Variants in SVOP observed in about 807,000 individuals in gnomAD.
The protein encoded by SVOP is SV2 related protein.
SVOP carries 17 observed loss-of-function variants against 69.1 expected under a neutral mutation model. The observed-to-expected ratio is 0.25, with a 90% CI of 0.17 to 0.37. SVOP has a LOEUF of 0.37. SVOP is among the 10% of genes least tolerant of loss of function. SVOP has a pLI of 1.00. For synonymous variants in SVOP, 238 were observed against 238.6 expected (o/e 1.00, Z 0.02); for missense variants, 435 against 597.5 (o/e 0.73, Z 2.84).
At chr12:109,018,222 C>T (rs1043077995) in intron 1 of SVOP, among the ~76,000 whole-genome samples, 3 of 152,224 alleles carry the variant, frequency 2.0e-5, no homozygotes, top group Non-Finnish European at 4.4e-5. Flanking sequence ...CAAGGTCACA[C>T]AAAAAGGCAG....
intron 1 of SVOP, among the ~76,000 whole-genome samples, chr12:108,987,466 C>T (rs932964208): frequency 1.8e-4 from 28 of 152,128 alleles, no homozygotes; most frequent in Admixed American, 1.3e-3. Flanking sequence ...ACCCATAAGA[C>T]GAATTACTGG....
At chr12:108,954,793 G>A (rs2039976356) in intron 6 of SVOP, among the ~76,000 whole-genome samples, 1 of 152,206 alleles carries the variant, frequency 6.6e-6, no homozygotes, top group Admixed American at 6.5e-5. Flanking sequence ...ACTTTGGAAG[G>A]CCAAGGTAGG....
chr12:108,940,970 T>C, intron 7 of SVOP, 61 bp from the exon 8 acceptor site: 1 of 1,505,932 alleles, frequency 6.6e-7, no homozygotes, highest in Non-Finnish European at 8.9e-7. Flanking sequence ...AGAGGAATTA[T>C]GGGGGCATTG....
intron 7 of SVOP, among the ~76,000 whole-genome samples, chr12:108,944,223 G>T (rs139124374): frequency 3.3e-5 from 5 of 151,450 alleles, no homozygotes; most frequent in Non-Finnish European, 7.4e-5. Context: ...TGCCACTCAG[G>T]CTGGAGTGCA....
chr12:108,988,404 G>T (rs1020668255), intron 1 of SVOP, among the ~76,000 whole-genome samples: 1 of 152,084 alleles, frequency 6.6e-6, no homozygotes, highest in East Asian at 1.9e-4. Flanking sequence ...TTTTATATAT[G>T]GTGTTAGGTA....
At chr12:108,945,202 T>C in intron 6 of SVOP, 36 bp from the exon 7 acceptor site, 1 of 1,533,868 alleles carries the variant, frequency 6.5e-7, no homozygotes, top group Non-Finnish European at 8.7e-7. Context: ...GGAGTTAAGA[T>C]CAGAACTGGG....
chr12:108,922,784 C>T lies in SVOP; in HGVS notation c.1062G>A (p.Lys354=). 1 of 1,607,324 alleles carries T rather than the reference C, an allele frequency of 6.2e-7. No individual in the cohort carries two copies. The highest frequency in any genetic ancestry group is 8.5e-7 in the Non-Finnish European group (1 of 1,177,156). The stretch of plus-strand genomic sequence containing the variant: ...GGCTGCATTTTGCCTCTACAGCCTT[C>T]TTCCGACTGGAGACTGGGGTTGGGA... The part of the protein sequence containing the change: ...AGDVCGISSR[K]KAVEAKCSLA... The change falls in exon 12 of 16, where the codon AAG becomes AAA. Residue 354 remains lysine, a synonymous_variant. Coordinates refer to ENST00000610966, the MANE Select transcript of SVOP (RefSeq NM_018711.5).
chr12:108,927,073 C>A (rs151310754), intron 11 of SVOP, among the ~76,000 whole-genome samples: 125 of 152,298 alleles, frequency 8.2e-4, no homozygotes, highest in African/African-American at 2.9e-3. Context: ...GTTCCCTAAG[C>A]TCAGGGATCT....
intron 7 of SVOP, among the ~76,000 whole-genome samples, chr12:108,941,449 C>T (rs929606906): frequency 6.6e-6 from 1 of 152,140 alleles, no homozygotes; most frequent in African/African-American, 2.4e-5. Flanking sequence ...CTCCTGGGCT[C>T]CTCGGCCTCC....
At chr12:108,932,952 C>T (rs534538337) in intron 11 of SVOP, among the ~76,000 whole-genome samples, 21 of 152,220 alleles carry the variant, frequency 1.4e-4, no homozygotes, top group South Asian at 4.1e-4. Flanking sequence ...AATCTCTGCT[C>T]ACTGCAACCC....
At chr12:108,931,796 T>C (rs147546768) in intron 11 of SVOP, among the ~76,000 whole-genome samples, 43 of 148,170 alleles carry the variant, frequency 2.9e-4, no homozygotes, top group Non-Finnish European at 5.6e-4. Context: ...ATTGCGCCAC[T>C]GCACTCCAGC....
At chr12:108,950,189 A>G (rs1203226884) in intron 6 of SVOP, among the ~76,000 whole-genome samples, 3 of 151,476 alleles carry the variant, frequency 2.0e-5, no homozygotes, top group Non-Finnish European at 4.4e-5. Context: ...CAGGCTCCCA[A>G]GTAGCTGGGA....
At position 108,912,199 on chromosome 12, in the gene SVOP, A is replaced by C. The variant is rs1396881460; in HGVS notation, c.*336T>G. On this transcript the variant is annotated 3_prime_UTR_variant, in exon 16 of 16. Transcript: ENST00000610966. ...CTACAGAGAGATATTTTGGTTGTTC[A>C]CTGAGGGTTTGGCCGGGTGACTCTG... 8.5e-7 allele frequency: 1 copy of C among 1,176,586 alleles called. No individual in the cohort carries two copies. The highest frequency in any genetic ancestry group is 1.6e-5 in the African/African-American group (1 of 63,834). The allele number at this position is 1,176,586 out of a possible 1,614,324, so 72.9% of individuals were successfully genotyped here. A position where few individuals can be genotyped will look rare whatever the true frequency, so the allele number is the denominator to read the frequency against.
chr12:108,976,978 C>T (rs747003943), intron 4 of SVOP, among the ~76,000 whole-genome samples: 2 of 152,218 alleles, frequency 1.3e-5, no homozygotes, highest in Non-Finnish European at 2.9e-5. Flanking sequence ...GTTCTGCAGC[C>T]TCCTCCTTCA....
intron 1 of SVOP, among the ~76,000 whole-genome samples, chr12:108,987,349 T>C (rs2040171190): frequency 1.3e-5 from 2 of 152,354 alleles, no homozygotes; most frequent in Non-Finnish European, 2.9e-5. Context: ...ATTCATCTGT[T>C]GATGGACAGG....
At chr12:108,997,709 C>A (rs547015563) in intron 1 of SVOP, among the ~76,000 whole-genome samples, 31 of 150,968 alleles carry the variant, frequency 2.1e-4, no homozygotes, top group African/African-American at 7.6e-4. Context: ...ACACTGACAA[C>A]TCACAAGGCA....
At chr12:108,946,723 A>G (rs1385455743) in intron 6 of SVOP, among the ~76,000 whole-genome samples, 1 of 126,260 alleles carries the variant, frequency 7.9e-6, no homozygotes, top group African/African-American at 2.8e-5. Context: ...TATTATTATT[A>G]TTATTATTAT....
At chr12:108,937,126 G>C (rs1207905880) in intron 10 of SVOP, 138 bp downstream of exon 10, 1 of 773,898 alleles carries the variant, frequency 1.3e-6, no homozygotes, top group East Asian at 2.5e-5. Flanking sequence ...CGGAAATCAG[G>C]AGGATGATGT....
rs2040014695 is a variant in SVOP at position 108,960,975 on chromosome 12, T to A, written c.526A>T (p.Ile176Phe). ...CCCACCAGGCCCCGGAGCACCAGGA[T>A]CCAGCTATACACGGGCGCAAATGCA... is the stretch of plus-strand genomic sequence containing the variant. Reference protein sequence around the residue: ...LSAFAPVYSWILVLRGLVGFG... With the variant: ...LSAFAPVYSWFLVLRGLVGFG... The change falls in exon 6 of 16, where the codon ATC becomes TTC. Residue 176 changes from isoleucine to phenylalanine, a missense_variant. Physicochemically the swap from Ile to Phe is conservative, Grantham distance 21 (BLOSUM62 0). Transcript: ENST00000610966. The A allele has an allele frequency of 3.9e-6, 6 of 1,536,974 alleles. No homozygotes were observed. The African/African-American group carries it at 5.5e-5, about 14-fold the overall frequency.
Sources: allele counts gnomAD v4.1 joint callset (sites outside exome capture counted in the v4.1 genomes callset), GRCh38; gene constraint gnomAD v4.1.1; transcripts MANE v1.5; gene names NCBI Gene and HGNC (gene_info 2026-07-23, HGNC 2026-07-21).